Variants in CTF1 observed in about 807,000 individuals in gnomAD.
CTF1 encodes cardiotrophin-1.
In CTF1, 9 loss-of-function variants were observed where a neutral mutation model predicts 10.9. The ratio of observed to expected loss-of-function variants is 0.83; its 90% CI spans 0.50 to 1.44. The LOEUF (loss-of-function observed/expected upper bound fraction) is 1.44, where lower values mean the gene tolerates loss of function less well. Ranked by LOEUF, CTF1 falls within the 40% of genes most tolerant of loss-of-function variation. The probability of loss-of-function intolerance (pLI) is 0.00; values close to 1 mark genes in which losing one functional copy is unlikely to be tolerated. For missense variants in CTF1, 259 were observed against 275.3 expected (o/e 0.94, Z 0.42); for synonymous variants, 133 against 138.8 (o/e 0.96, Z 0.29).
chr16:30,896,685 C>A lies in CTF1; in HGVS notation c.25+17C>A. The A allele has an allele frequency of 3.2e-6, 4 of 1,252,066 alleles. No homozygotes were observed. Among genetic ancestry groups the A allele is most frequent in the Non-Finnish European group, 4.0e-6 (4 of 989,812 alleles). 77.6% of individuals were successfully genotyped at this position (1,252,066 alleles called of 1,614,324 possible). A position where few individuals can be genotyped will look rare whatever the true frequency, so the allele number is the denominator to read the frequency against. ...GAAGTCTGGGTAAGGGGCTGAGGGACCGGACGCCGGGTCGCTGAGGGGCGC... is the reference window on the plus strand; with the variant it reads ...GAAGTCTGGGTAAGGGGCTGAGGGAACGGACGCCGGGTCGCTGAGGGGCGC... On this transcript the variant is annotated intron_variant, in intron 1 of 2. Coordinates refer to ENST00000279804, the MANE Select transcript of CTF1 (RefSeq NM_001330.5).
intron 1 of CTF1, among the ~76,000 whole-genome samples, chr16:30,897,911 G>A (rs990579391): frequency 2.6e-5 from 4 of 152,082 alleles, no homozygotes; most frequent in Non-Finnish European, 1.5e-5. Context: ...CCAGGCTGGA[G>A]TGCAGTGGCC....
Position 30,899,273 on chromosome 16 carries a change from C to A in CTF1, c.26-142C>A, listed in dbSNP as rs1419810608. On this transcript the variant is annotated intron_variant, in intron 1 of 2. Coordinates refer to ENST00000279804, the MANE Select transcript of CTF1 (RefSeq NM_001330.5). ...CAATACATTTCAGGTAGACCACCTGCTTGACAAAGTTCTGGTGCCTCATTT... is the reference window on the plus strand; with the variant it reads ...CAATACATTTCAGGTAGACCACCTGATTGACAAAGTTCTGGTGCCTCATTT... 3 of 771,398 alleles carry A rather than the reference C, an allele frequency of 3.9e-6. No homozygotes were observed. In the African/African-American group the frequency reaches 5.1e-5, roughly 13 times the overall value. 47.8% of individuals were successfully genotyped at this position (771,398 alleles called of 1,614,324 possible). A position where few individuals can be genotyped will look rare whatever the true frequency, so the allele number is the denominator to read the frequency against.
chr16:30,897,359 T>C (rs958407701), intron 1 of CTF1, among the ~76,000 whole-genome samples: 3 of 152,184 alleles, frequency 2.0e-5, no homozygotes, highest in African/African-American at 7.2e-5. Flanking sequence ...CATTTTGATA[T>C]GAAGTTCTGT....
In CTF1 at chr16:30,902,576, G is replaced by C; in HGVS notation, c.*37G>C. Reference sequence around the variant, plus strand: ...CAGCTCGCCCCGCCTCCTCCCGCTGGGTTCCGTCTCTCCTTCCGCTTCTTT... The same window carrying C: ...CAGCTCGCCCCGCCTCCTCCCGCTGCGTTCCGTCTCTCCTTCCGCTTCTTT... On this transcript the variant is annotated 3_prime_UTR_variant, in exon 3 of 3. Transcript: ENST00000279804. The C allele has an allele frequency of 6.7e-7, 1 of 1,486,464 alleles. No homozygotes were observed. The highest frequency in any genetic ancestry group is 8.9e-7 in the Non-Finnish European group (1 of 1,120,924). 92.1% of individuals were successfully genotyped at this position (1,486,464 alleles called of 1,614,324 possible). A position where few individuals can be genotyped will look rare whatever the true frequency, so the allele number is the denominator to read the frequency against.
In CTF1 at chr16:30,903,205, C is replaced by CA. The variant is rs2055423566; in HGVS notation, c.*668dup. 1 of 152,484 alleles carries CA rather than the reference C, an allele frequency of 6.6e-6. No homozygotes were observed. Among genetic ancestry groups the CA allele is most frequent in the Non-Finnish European group, 1.5e-5 (1 of 68,196 alleles). The allele number at this position is 152,484 out of a possible 1,614,324, so 9.4% of individuals were successfully genotyped here. A position where few individuals can be genotyped will look rare whatever the true frequency, so the allele number is the denominator to read the frequency against. On this transcript the variant is annotated 3_prime_UTR_variant, in exon 3 of 3. Transcript: ENST00000279804. ...ACATGTGTACATCTCAGCCTTATCT[C>CA]AAGGAGGTGACACCTTCTCTCCTTG...
intron 1 of CTF1, 135 bp downstream of exon 1, chr16:30,896,803 G>A (rs1048244171): frequency 9.9e-6 from 7 of 703,976 alleles, no homozygotes; most frequent in African/African-American, 9.3e-5. Flanking sequence ...GCAGGGCTCC[G>A]GTGTCAGGTA....
upstream of CTF1, among the ~76,000 whole-genome samples, chr16:30,896,247 A>T (rs571705438): frequency 9.4e-4 from 143 of 152,216 alleles, no homozygotes; most frequent in Non-Finnish European, 2.9e-4. Flanking sequence ...CGCGCCCCAG[A>T]CTAGAGAGAG....
rs397516646 is a variant in CTF1, at chr16:30,902,065, C to G, written c.145-13C>G. ...TCCGGGGCCCCGCTGACCCGCCGGC[C>G]GTGTCTCCGCAGGTGCAGCTCCAGG... is the stretch of plus-strand genomic sequence containing the variant. On this transcript the variant is annotated splice_polypyrimidine_tract_variant and intron_variant, in intron 2 of 2. Transcript: ENST00000279804. 1.4e-6 allele frequency: 2 copies of G among 1,448,502 alleles called. No individual in the cohort carries two copies. Among genetic ancestry groups the G allele is most frequent in the African/African-American group, 2.9e-5 (2 of 68,044 alleles). The allele number at this position is 1,448,502 out of a possible 1,614,324, so 89.7% of individuals were successfully genotyped here. A position where few individuals can be genotyped will look rare whatever the true frequency, so the allele number is the denominator to read the frequency against.
chr16:30,902,662 C>A lies in CTF1; in HGVS notation c.*123C>A, dbSNP rs1008841611. On this transcript the variant is annotated 3_prime_UTR_variant, in exon 3 of 3. Coordinates refer to ENST00000279804, the MANE Select transcript of CTF1 (RefSeq NM_001330.5). ...CTCTTAGCTGTCTCCATTGCCTCGGCCTTCTTTGCTTTTTGTGGGGGAGAG... is the reference window on the plus strand; with the variant it reads ...CTCTTAGCTGTCTCCATTGCCTCGGACTTCTTTGCTTTTTGTGGGGGAGAG... 7.7e-7 allele frequency: 1 copy of A among 1,298,646 alleles called. No individual in the cohort carries two copies. The highest frequency in any genetic ancestry group is 9.9e-7 in the Non-Finnish European group (1 of 1,013,944). The allele number at this position is 1,298,646 out of a possible 1,614,324, so 80.4% of individuals were successfully genotyped here.
chr16:30,902,061 C>T lies in CTF1; in HGVS notation c.145-17C>T, dbSNP rs186725199. The T allele has an allele frequency of 1.9e-5, 27 of 1,446,542 alleles. No individual in the cohort carries two copies. The South Asian group carries it at 3.2e-4, about 17-fold the overall frequency. 89.6% of individuals were successfully genotyped at this position (1,446,542 alleles called of 1,614,324 possible). A position where few individuals can be genotyped will look rare whatever the true frequency, so the allele number is the denominator to read the frequency against. On this transcript the variant is annotated splice_polypyrimidine_tract_variant and intron_variant, in intron 2 of 2. Transcript: ENST00000279804. ...GTGCTCCGGGGCCCCGCTGACCCGC[C>T]GGCCGTGTCTCCGCAGGTGCAGCTC...
At chr16:30,902,046 G>A in intron 2 of CTF1, 32 bp from the exon 3 acceptor site, 2 of 1,434,504 alleles carry the variant, frequency 1.4e-6, no homozygotes, top group Non-Finnish European at 1.8e-6. Context: ...GTGCTCCGGG[G>A]CCCCGCTGAC....
rs900959893 is a variant in CTF1 at position 30,903,244 on chromosome 16, GTC to G, written c.*711_*712del. ...CTTCTCTCCTTGTCCCCATCTGGCT[GTC>G]TCTCTGTGCTTCCCTGGCCAGGGGC... On this transcript the variant is annotated 3_prime_UTR_variant, in exon 3 of 3. Coordinates refer to ENST00000279804, the MANE Select transcript of CTF1 (RefSeq NM_001330.5). The G allele has an allele frequency of 1.7e-4, 26 of 152,606 alleles. No homozygotes were observed. Among genetic ancestry groups the G allele is most frequent in the African/African-American group, 5.1e-4 (21 of 41,512 alleles). The allele number at this position is 152,606 out of a possible 1,614,324, so 9.5% of individuals were successfully genotyped here.
At chr16:30,901,855 C>T (rs1489653483) in intron 2 of CTF1, among the ~76,000 whole-genome samples, 2 of 151,356 alleles carry the variant, frequency 1.3e-5, no homozygotes, top group Non-Finnish European at 2.9e-5. Context: ...AAGTGCTGAC[C>T]TAAACTGGCC....
chr16:30,902,476 C>T lies in CTF1; in HGVS notation c.543C>T (p.Tyr181=). The T allele has an allele frequency of 6.8e-7, 1 of 1,478,846 alleles. No homozygotes were observed. Among genetic ancestry groups the T allele is most frequent in the Non-Finnish European group, 8.9e-7 (1 of 1,118,780 alleles). The allele number at this position is 1,478,846 out of a possible 1,614,324, so 91.6% of individuals were successfully genotyped here. A position where few individuals can be genotyped will look rare whatever the true frequency, so the allele number is the denominator to read the frequency against. Residue 181 remains tyrosine (Y), a synonymous_variant, in exon 3 of 3, where the codon TAC becomes TAT. Transcript: ENST00000279804. The part of the protein sequence containing the change: ...KVLGLRVCGL[Y]REWLSRTEGD... ...TGGGGCTCCGCGTTTGCGGCCTCTA[C>T]CGCGAGTGGCTGAGCCGCACCGAGG... is the stretch of plus-strand genomic sequence containing the variant.
Position 30,902,880 on chromosome 16 carries a change from T to G in CTF1, c.*341T>G. ...TTTGTAGAGACGAGGTTTCGCCATG[T>G]TGCCCAGGCTGGTCTTGAACTCCGG... On this transcript the variant is annotated 3_prime_UTR_variant, in exon 3 of 3. Transcript: ENST00000279804. The G allele has an allele frequency of 5.6e-6, 1 of 177,036 alleles. No homozygotes were observed. Among genetic ancestry groups the G allele is most frequent in the Admixed American group, 6.4e-5 (1 of 15,746 alleles). The allele number at this position is 177,036 out of a possible 1,614,324, so 11.0% of individuals were successfully genotyped here.
At position 30,902,144 on chromosome 16, in the gene CTF1, C is replaced by A. The variant is rs1001355081; in HGVS notation, c.211C>A (p.Leu71Met). Residue 71 changes from leucine to methionine, a missense_variant, in exon 3 of 3, where the codon CTG becomes ATG. Coordinates refer to ENST00000279804, the MANE Select transcript of CTF1 (RefSeq NM_001330.5). ...GCCGCCGCGGCTGCCGGTGGCCGGC[C>A]TGAGCGCCCCGGCTCCGAGCCACGC... ...FSPPRLPVAG[L>M]SAPAPSHAGL... 7.9e-6 allele frequency: 11 copies of A among 1,398,508 alleles called. No individual in the cohort carries two copies. The highest frequency in any genetic ancestry group is 1.0e-5 in the Non-Finnish European group (11 of 1,072,296). The allele number at this position is 1,398,508 out of a possible 1,614,324, so 86.6% of individuals were successfully genotyped here. A position where few individuals can be genotyped will look rare whatever the true frequency, so the allele number is the denominator to read the frequency against.
intron 2 of CTF1, among the ~76,000 whole-genome samples, chr16:30,900,280 G>A (rs2055390129): frequency 6.6e-6 from 1 of 152,194 alleles, no homozygotes; most frequent in African/African-American, 2.4e-5. Flanking sequence ...CTTTAGTTGG[G>A]CAGAGGACCC....
At position 30,902,923 on chromosome 16, in the gene CTF1, C is replaced by G. The variant is rs1055121382; in HGVS notation, c.*384C>G. ...AACTCCGGGGCTCAAGCGATCCTCCCGCTTCAGCCTCCCTAAGTGCTGGGA... is the reference window on the plus strand; with the variant it reads ...AACTCCGGGGCTCAAGCGATCCTCCGGCTTCAGCCTCCCTAAGTGCTGGGA... On this transcript the variant is annotated 3_prime_UTR_variant, in exon 3 of 3. Coordinates refer to ENST00000279804, the MANE Select transcript of CTF1 (RefSeq NM_001330.5). 2 of 160,886 alleles carry G rather than the reference C, an allele frequency of 1.2e-5. No homozygotes were observed. The highest frequency in any genetic ancestry group is 4.8e-5 in the African/African-American group (2 of 41,656). The allele number at this position is 160,886 out of a possible 1,614,324, so 10.0% of individuals were successfully genotyped here.
At chr16:30,896,238 G>A (rs1306503133), upstream of CTF1, among the ~76,000 whole-genome samples, 1 of 152,140 alleles carries the variant, frequency 6.6e-6, no homozygotes, top group East Asian at 1.9e-4. Flanking sequence ...CTCGCAAGCC[G>A]CGCCCCAGAC....
Sources: gnomAD v4.1 joint callset for allele counts (sites outside exome capture counted in the v4.1 genomes callset) on GRCh38, gnomAD v4.1.1 for gene constraint, MANE v1.5 for transcripts, NCBI Gene and HGNC (gene_info 2026-07-23, HGNC 2026-07-21) for gene names.